The following ABL1 variants were observed in gnomAD, a reference collection of about 807,000 sequenced individuals.
ABL1 encodes tyrosine-protein kinase ABL1.
In ABL1, 11 loss-of-function variants were observed where a neutral mutation model predicts 94.7. The ratio of observed to expected loss-of-function variants is 0.12; its 90% CI spans 0.07 to 0.19. The LOEUF is 0.19. Ranked by LOEUF, ABL1 falls within the 10% of genes least tolerant of loss-of-function variation. ABL1 has a pLI of 1.00. For missense variants in ABL1, 1,082 were observed against 1,489.4 expected (o/e 0.73, Z 4.50); for synonymous variants, 656 against 622.4 (o/e 1.05, Z -0.80).
At position 130,872,304 on chromosome 9, in the gene ABL1, C is replaced by A; in HGVS notation, c.907+91C>A. The A allele has an allele frequency of 8.5e-7, 1 of 1,177,334 alleles. No individual in the cohort carries two copies. The highest frequency in any genetic ancestry group is 1.2e-6 in the Non-Finnish European group (1 of 819,338). 72.9% of individuals were successfully genotyped at this position (1,177,334 alleles called of 1,614,324 possible). On this transcript the variant is annotated intron_variant, in intron 5 of 10. Coordinates refer to ENST00000318560, the MANE Select transcript of ABL1 (RefSeq NM_005157.6). This position sits in a 1 kb window ranked among gnomAD's most constrained non-coding sequence, Gnocchi z 5.0. ...GGGAAGACGCACGGGCGGCTCACTG[C>A]ACAAAACCTCGTTGGAATATTTGTG...
At chr9:130,724,549 C>T (rs1189027114) in intron 1 of ABL1, among the ~76,000 whole-genome samples, 1 of 151,338 alleles carries the variant, frequency 6.6e-6, no homozygotes, top group Admixed American at 6.6e-5. Flanking sequence ...GTGGCTCATG[C>T]CTGTAATCCC....
intron 1 of ABL1, among the ~76,000 whole-genome samples, chr9:130,827,816 C>T (rs1276085565): frequency 3.3e-5 from 5 of 151,818 alleles, no homozygotes; most frequent in East Asian, 3.9e-4. Flanking sequence ...ATTGCTTGAA[C>T]CTGGGAGGCA....
chr9:130,721,051 C>A (rs1831508185), intron 1 of ABL1, among the ~76,000 whole-genome samples: 1 of 149,746 alleles, frequency 6.7e-6, no homozygotes, highest in Non-Finnish European at 1.5e-5. Flanking sequence ...TTATGGTTCT[C>A]AAAACTTTAT....
At chr9:130,748,126 C>G (rs1410466703) in intron 1 of ABL1, among the ~76,000 whole-genome samples, 1 of 152,162 alleles carries the variant, frequency 6.6e-6, no homozygotes, top group Non-Finnish European at 1.5e-5. Flanking sequence ...TTTTCCCTGA[C>G]AGCTAATGAG....
chr9:130,879,872 C>G (rs1200568497), intron 8 of ABL1, among the ~76,000 whole-genome samples, 196 bp from the exon 9 acceptor site: 1 of 152,230 alleles, frequency 6.6e-6, no homozygotes, highest in African/African-American at 2.4e-5. Context: ...ATATTCCTGC[C>G]AGCATCTAAC....
At chr9:130,753,828 G>T (rs950377360) in intron 1 of ABL1, among the ~76,000 whole-genome samples, 7 of 152,200 alleles carry the variant, frequency 4.6e-5, no homozygotes, top group African/African-American at 1.7e-4. Context: ...TTAAATGCAT[G>T]AATGAATAAT....
intron 3 of ABL1, among the ~76,000 whole-genome samples, chr9:130,857,642 T>G (rs12001101): frequency 0.026 from 3,885 of 152,178 alleles, 177 homozygotes; most frequent in African/African-American, 0.088. Context: ...ACTTTTTTTT[T>G]TTTTGGCTGT....
Position 130,880,031 on chromosome 9 carries a change from T to C in ABL1, c.1424-37T>C. 1.3e-6 allele frequency: 2 copies of C among 1,591,576 alleles called. No homozygotes were observed. Among genetic ancestry groups the C allele is most frequent in the African/African-American group, 2.7e-5 (2 of 74,564 alleles). ...TGCTAGCCCCGTATTGCTAGCCAGA[T>C]CTCATGGATGATCTGACTTGGGTTT... On this transcript the variant is annotated intron_variant, in intron 8 of 10. Coordinates refer to ENST00000318560, the MANE Select transcript of ABL1 (RefSeq NM_005157.6). This position sits in a 1 kb window ranked among gnomAD's most constrained non-coding sequence, Gnocchi z 4.4.
chr9:130,830,731 G>A (rs1460501320), upstream of ABL1, among the ~76,000 whole-genome samples: 1 of 152,124 alleles, frequency 6.6e-6, no homozygotes, highest in East Asian at 1.9e-4. Context: ...TGTGCTTTGG[G>A]CACTCTCCCT....
In ABL1 at chr9:130,835,515, T is replaced by C. The variant is rs754309439; in HGVS notation, c.69T>C (p.Cys23=). ...AGGGGCTGTCCTCGTCCTCCAGCTG[T>C]TATCTGGAAGGTAAGCCCGGGCCGC... ...SKKGLSSSSS[C]YLEEALQRPV... Residue 23 remains cysteine (C), a synonymous_variant, in exon 1 of 11, where the codon TGT becomes TGC. Transcript: ENST00000318560. This position sits in a 1 kb window ranked among gnomAD's most constrained non-coding sequence, Gnocchi z 4.6. 6.4e-7 allele frequency: 1 copy of C among 1,556,994 alleles called. No individual in the cohort carries two copies. The highest frequency in any genetic ancestry group is 8.7e-7 in the Non-Finnish European group (1 of 1,149,578).
chr9:130,861,036 C>G (rs1831063182), intron 3 of ABL1, among the ~76,000 whole-genome samples: 2 of 152,180 alleles, frequency 1.3e-5, no homozygotes, highest in South Asian at 4.1e-4. Context: ...CTGAGCGTGA[C>G]TCATGGTGTG....
chr9:130,770,571 G>A (rs1189043098), intron 1 of ABL1, among the ~76,000 whole-genome samples: 1 of 152,174 alleles, frequency 6.6e-6, no homozygotes. Context: ...GGAGCGGCAC[G>A]AAATGCAAAT....
intron 1 of ABL1, among the ~76,000 whole-genome samples, chr9:130,736,048 G>A (rs1351742774): frequency 2.7e-5 from 4 of 148,410 alleles, no homozygotes; most frequent in East Asian, 2.0e-4. Flanking sequence ...TTCAGTCCTC[G>A]GGGCTCAAGT....
intron 1 of ABL1, among the ~76,000 whole-genome samples, chr9:130,850,253 T>G (rs1398799321): frequency 6.6e-6 from 1 of 152,222 alleles, no homozygotes; most frequent in Non-Finnish European, 1.5e-5. Context: ...AAAATTAAGA[T>G]GAATGCTTTA....
In ABL1 at chr9:130,884,217, A is replaced by C. The variant is rs746422557; in HGVS notation, c.1927A>C (p.Asn643His). The change falls in exon 11 of 11, where the codon AAC becomes CAC. Residue 643 changes from asparagine to histidine, a missense_variant. Around this residue, in one of 7 missense-constraint regions of ABL1, gnomAD observed 780 missense variants for 835.8 expected, o/e 0.93. Transcript: ENST00000318560. This position sits in a 1 kb window ranked among gnomAD's most constrained non-coding sequence, Gnocchi z 5.6. ...AGEEEGRDIS[N>H]GALAFTPLDT... is the part of the protein sequence containing the mutation. ...CGAGGAAGAGGGCCGAGACATCAGC[A>C]ACGGGGCACTGGCTTTCACCCCCTT... 6.2e-7 allele frequency: 1 copy of C among 1,608,870 alleles called. No individual in the cohort carries two copies. The highest frequency in any genetic ancestry group is 1.1e-5 in the South Asian group (1 of 90,508).
At chr9:130,779,442 G>A (rs1281916726) in intron 1 of ABL1, among the ~76,000 whole-genome samples, 1 of 152,128 alleles carries the variant, frequency 6.6e-6, no homozygotes, top group Non-Finnish European at 1.5e-5. Flanking sequence ...TGACATTAGG[G>A]CTTGCTGATT....
intron 1 of ABL1, among the ~76,000 whole-genome samples, chr9:130,839,839 T>C (rs3020755): frequency 6.6e-6 from 1 of 152,222 alleles, no homozygotes. Context: ...GGCAGGTTTA[T>C]GGCTCACACA....
intron 3 of ABL1, among the ~76,000 whole-genome samples, chr9:130,856,147 G>A (rs1474984867): frequency 6.6e-6 from 1 of 152,168 alleles, no homozygotes; most frequent in Non-Finnish European, 1.5e-5. Flanking sequence ...GGAGTGCAAT[G>A]GTGCGTTCTC....
Position 130,863,719 on chromosome 9 carries a change from G to A in ABL1, c.822+684G>A, listed in dbSNP as rs1400017450. Among the ~76,000 whole-genome samples the A allele has an allele frequency of 6.6e-6, 1 of 152,194 alleles. No individual in the cohort carries two copies. The highest frequency in any genetic ancestry group is 1.5e-5 in the Non-Finnish European group (1 of 68,032). ...CTTTGAAACCCTTAGGACGCCAAGGGAAGGAAGTTTTCATTTTCAGCCCTT... is the reference window on the plus strand; with the variant it reads ...CTTTGAAACCCTTAGGACGCCAAGGAAAGGAAGTTTTCATTTTCAGCCCTT... On this transcript the variant is annotated intron_variant, in intron 4 of 10. Coordinates refer to ENST00000318560, the MANE Select transcript of ABL1 (RefSeq NM_005157.6). This position sits in a 1 kb window ranked among gnomAD's most constrained non-coding sequence, Gnocchi z 4.3.
Sources: gnomAD v4.1 joint callset for allele counts (sites outside exome capture counted in the v4.1 genomes callset) on GRCh38, gnomAD v4.1.1 for gene constraint, gnomAD v4.1.1 regional missense constraint, Gnocchi (gnomAD v3.1) non-coding constraint, MANE v1.5 for transcripts, NCBI Gene and HGNC (gene_info 2026-07-23, HGNC 2026-07-21) for gene names.